Variants in FLVCR1 observed in about 807,000 individuals in gnomAD.
FLVCR1 encodes the protein choline/ethanolamine transporter FLVCR1.
Under a neutral mutation model 53.6 loss-of-function variants are expected in FLVCR1, and 34 were observed. That is an observed-to-expected ratio of 0.63 (90% CI 0.48 to 0.84). The LOEUF is 0.84. Ranked by LOEUF, FLVCR1 falls within the 40% of genes least tolerant of loss-of-function variation. The pLI is 0.00. For synonymous variants in FLVCR1, 300 were observed against 286.3 expected (o/e 1.05, Z -0.48); for missense variants, 677 against 696.7 (o/e 0.97, Z 0.32).
chr1:212,894,110 ATT>A (rs34844418), intron 8 of FLVCR1, among the ~76,000 whole-genome samples: 10 of 149,954 alleles, frequency 6.7e-5, no homozygotes, highest in African/African-American at 2.5e-4. Context: ...ATGTAGATTG[ATT>A]TTTTTTTTTA....
At position 212,896,854 on chromosome 1, in the gene FLVCR1, CTAAAAAAAAAAAAA is replaced by C. The variant is rs1665348164; in HGVS notation, c.*1565_*1578del. 2.8e-5 allele frequency: 1 copy of C among 36,034 alleles called. No individual in the cohort carries two copies. Among genetic ancestry groups the C allele is most frequent in the African/African-American group, 1.2e-4 (1 of 8,206 alleles). The allele number at this position is 36,034 out of a possible 1,614,324, so 2.2% of individuals were successfully genotyped here. A position where few individuals can be genotyped will look rare whatever the true frequency, so the allele number is the denominator to read the frequency against. On this transcript the variant is annotated 3_prime_UTR_variant, in exon 10 of 10. Coordinates refer to ENST00000366971, the MANE Select transcript of FLVCR1 (RefSeq NM_014053.4). ...CCAACATGGTAAAACCCCATCTCTA[CTAAAAAAAAAAAAA>C]AAAAAAAAAAAAAAAAAAAAGGCCA...
In FLVCR1 at chr1:212,895,502, T is replaced by A; in HGVS notation, c.*212T>A. 1 of 575,396 alleles carries A rather than the reference T, an allele frequency of 1.7e-6. No homozygotes were observed. The highest frequency in any genetic ancestry group is 2.9e-5 in the Admixed American group (1 of 33,986). The allele number at this position is 575,396 out of a possible 1,614,324, so 35.6% of individuals were successfully genotyped here. ...TTAAAATTCTTCTGTTTACATCATG[T>A]TAACACTACTGTTTATCTAATTAGT... On this transcript the variant is annotated 3_prime_UTR_variant, in exon 10 of 10. Coordinates refer to ENST00000366971, the MANE Select transcript of FLVCR1 (RefSeq NM_014053.4).
Position 212,866,229 on chromosome 1 carries a change from C to T in FLVCR1, c.883+2360C>T, listed in dbSNP as rs1490453301. Reference sequence around the variant, plus strand: ...CGAACTTCTGACCTCAGGTGATCTGCCCGCCTTGGCCTCCCAAAGTGCTGG... The same window carrying T: ...CGAACTTCTGACCTCAGGTGATCTGTCCGCCTTGGCCTCCCAAAGTGCTGG... On this transcript the variant is annotated intron_variant, in intron 2 of 9. Transcript: ENST00000366971. Among the ~76,000 whole-genome samples, 3 of 152,040 alleles carry T rather than the reference C, an allele frequency of 2.0e-5. No individual in the cohort carries two copies. The East Asian group carries it at 5.8e-4, about 29-fold the overall frequency.
At chr1:212,873,383 C>T (rs1307182127) in intron 3 of FLVCR1, among the ~76,000 whole-genome samples, 1 of 152,024 alleles carries the variant, frequency 6.6e-6, no homozygotes, top group African/African-American at 2.4e-5. Flanking sequence ...TGTGAGTTCT[C>T]ATGGAGTATT....
chr1:212,895,405 T>A lies in FLVCR1; in HGVS notation c.*115T>A, dbSNP rs189552394. 2.7e-6 allele frequency: 2 copies of A among 754,632 alleles called. No homozygotes were observed. Among genetic ancestry groups the A allele is most frequent in the Non-Finnish European group, 4.8e-6 (2 of 416,836 alleles). The allele number at this position is 754,632 out of a possible 1,614,324, so 46.7% of individuals were successfully genotyped here. A position where few individuals can be genotyped will look rare whatever the true frequency, so the allele number is the denominator to read the frequency against. ...GTGGTGGGGGAATAAACACACTTAC[T>A]TGAAAATTACCATATGAACTCTAAA... is the stretch of plus-strand genomic sequence containing the variant. On this transcript the variant is annotated 3_prime_UTR_variant, in exon 10 of 10. Coordinates refer to ENST00000366971, the MANE Select transcript of FLVCR1 (RefSeq NM_014053.4).
At chr1:212,888,169 A>G (rs1295794043) in intron 6 of FLVCR1, among the ~76,000 whole-genome samples, 168 bp downstream of exon 6, 1 of 152,228 alleles carries the variant, frequency 6.6e-6, no homozygotes, top group Non-Finnish European at 1.5e-5. Context: ...AACTATTAAA[A>G]ATTATTTAAA....
chr1:212,880,824 TA>T (rs1664900267), intron 3 of FLVCR1, among the ~76,000 whole-genome samples: 1 of 150,278 alleles, frequency 6.7e-6, no homozygotes, highest in South Asian at 2.1e-4. Flanking sequence ...GAAGTCCTGC[TA>T]AAAAACTTCA....
chr1:212,859,243 T>G, intron 1 of FLVCR1, 53 bp downstream of exon 1: 1 of 1,613,058 alleles, frequency 6.2e-7, no homozygotes. Context: ...CCGGAAAAAG[T>G]CATAGGCCGT....
At chr1:212,893,065 T>TTGC (rs376805847) in intron 8 of FLVCR1, among the ~76,000 whole-genome samples, 10 of 142,404 alleles carry the variant, frequency 7.0e-5, no homozygotes, top group East Asian at 2.3e-4. Context: ...TCTTTTTTTT[T>TTGC]GGGGGGGGGT....
At chr1:212,874,852 T>C (rs114747522) in intron 3 of FLVCR1, among the ~76,000 whole-genome samples, 34,096 of 151,770 alleles carry the variant, frequency 0.22, 4,449 homozygotes, top group East Asian at 0.44. Flanking sequence ...CACTCTTTTA[T>C]CACTCACTTT....
At position 212,858,325 on chromosome 1, in the gene FLVCR1, C is replaced by T. The variant is rs1017337739; in HGVS notation, c.-128C>T. Reference sequence around the variant, plus strand: ...CGCGGATTGCGGTTCGCGGCGCGCGCCACCGGGGAAGGAGCGGTGGGCCGA... The same window carrying T: ...CGCGGATTGCGGTTCGCGGCGCGCGTCACCGGGGAAGGAGCGGTGGGCCGA... On this transcript the variant is annotated 5_prime_UTR_variant, in exon 1 of 10. Transcript: ENST00000366971. 20 of 958,402 alleles carry T rather than the reference C, an allele frequency of 2.1e-5. No individual in the cohort carries two copies. Among genetic ancestry groups the T allele is most frequent in the Middle Eastern group, 6.8e-4 (2 of 2,934 alleles). The allele number at this position is 958,402 out of a possible 1,614,324, so 59.4% of individuals were successfully genotyped here. A position where few individuals can be genotyped will look rare whatever the true frequency, so the allele number is the denominator to read the frequency against.
rs1305482957 is a variant in FLVCR1 at position 212,895,407 on chromosome 1, G to A, written c.*117G>A. ...GGTGGGGGAATAAACACACTTACTTGAAAATTACCATATGAACTCTAAATG... is the reference window on the plus strand; with the variant it reads ...GGTGGGGGAATAAACACACTTACTTAAAAATTACCATATGAACTCTAAATG... On this transcript the variant is annotated 3_prime_UTR_variant, in exon 10 of 10. Coordinates refer to ENST00000366971, the MANE Select transcript of FLVCR1 (RefSeq NM_014053.4). The A allele has an allele frequency of 1.9e-5, 14 of 745,220 alleles. No homozygotes were observed. The highest frequency in any genetic ancestry group is 4.0e-5 in the Admixed American group (2 of 50,256). 46.2% of individuals were successfully genotyped at this position (745,220 alleles called of 1,614,324 possible).
intron 3 of FLVCR1, among the ~76,000 whole-genome samples, chr1:212,877,347 G>A (rs575371642): frequency 4.0e-5 from 6 of 151,744 alleles, no homozygotes; most frequent in African/African-American, 1.5e-4. Context: ...CGAGTAGCTG[G>A]GACTACAGGC....
intron 2 of FLVCR1, among the ~76,000 whole-genome samples, chr1:212,865,976 GTTTGGTT>G (rs1664406877): frequency 2.5e-5 from 1 of 40,264 alleles, no homozygotes; most frequent in Non-Finnish European, 6.7e-5. Flanking sequence ...AATTTTTGGG[GTTTGGTT>G]TTTTTTTTTT....
In FLVCR1 at chr1:212,895,404, C is replaced by T. The variant is rs184177347; in HGVS notation, c.*114C>T. ...TGTGGTGGGGGAATAAACACACTTA[C>T]TTGAAAATTACCATATGAACTCTAA... On this transcript the variant is annotated 3_prime_UTR_variant, in exon 10 of 10. Transcript: ENST00000366971. 123 of 756,590 alleles carry T rather than the reference C, an allele frequency of 1.6e-4. 1 individual carries two copies. In the East Asian group the frequency reaches 3.1e-3, roughly 19 times the overall value. 46.9% of individuals were successfully genotyped at this position (756,590 alleles called of 1,614,324 possible).
intron 2 of FLVCR1, among the ~76,000 whole-genome samples, chr1:212,871,671 C>T (rs542712767): frequency 1.3e-5 from 2 of 152,248 alleles, no homozygotes; most frequent in South Asian, 4.2e-4. Context: ...AAAGTGAGCA[C>T]CATGCCTGAC....
intron 1 of FLVCR1, among the ~76,000 whole-genome samples, chr1:212,862,942 A>G (rs6689134): frequency 0.69 from 104,824 of 152,134 alleles, 37,674 homozygotes; most frequent in East Asian, 1. Context: ...CTTATTGACC[A>G]TTTGTATATC....
chr1:212,889,961 C>T (rs950953020), intron 8 of FLVCR1, among the ~76,000 whole-genome samples: 4 of 151,964 alleles, frequency 2.6e-5, no homozygotes, highest in African/African-American at 9.7e-5. Context: ...TGAAAAGTTC[C>T]TAGTGTCTGG....
At chr1:212,861,349 C>A (rs1664234490) in intron 1 of FLVCR1, among the ~76,000 whole-genome samples, 1 of 152,170 alleles carries the variant, frequency 6.6e-6, no homozygotes, top group Non-Finnish European at 1.5e-5. Context: ...CCTCCAGGAA[C>A]TTTTTCTGAA....
Sources: allele counts gnomAD v4.1 joint callset (sites outside exome capture counted in the v4.1 genomes callset), GRCh38; gene constraint gnomAD v4.1.1; transcripts MANE v1.5; gene names NCBI Gene and HGNC (gene_info 2026-07-23, HGNC 2026-07-21).